SLC35D1: variants seen among roughly 807,000 people sequenced by gnomAD.
SLC35D1 encodes nucleotide sugar transporter SLC35D1.
A neutral mutation model predicts 46.7 loss-of-function variants in SLC35D1; 31 were observed. That is an observed-to-expected ratio of 0.66 (90% CI 0.50 to 0.90). The LOEUF (loss-of-function observed/expected upper bound fraction) is 0.90. Ranked by LOEUF, SLC35D1 falls within the 40% of genes least tolerant of loss-of-function variation. SLC35D1 has a pLI of 0.00. For missense variants in SLC35D1, 397 were observed against 426.2 expected (o/e 0.93, Z 0.60); for synonymous variants, 195 against 164.6 (o/e 1.18, Z -1.41).
the SLC35D1 span, chr1:66,982,016 A>G: frequency 8.0e-7 from 1 of 1,248,836 alleles, no homozygotes; most frequent in Non-Finnish European, 1.1e-6. Flanking sequence ...AAACTTCCAG[A>G]GCAGAAAGTA....
At position 67,050,516 on chromosome 1, in the gene SLC35D1, A is replaced by G. The variant is rs191643818; in HGVS notation, c.393-12T>C. The G allele has an allele frequency of 1.9e-6, 3 of 1,606,224 alleles. No homozygotes were observed. Among genetic ancestry groups the G allele is most frequent in the Admixed American group, 1.7e-5 (1 of 59,890 alleles). On this transcript the variant is annotated splice_polypyrimidine_tract_variant and intron_variant, in intron 4 of 11. Coordinates refer to ENST00000235345, the MANE Select transcript of SLC35D1 (RefSeq NM_015139.3). ...TAAACATTGGCAAGCTGGAAAAAAA[A>G]AAGATAATTAGGTAAAATAGAATTT...
At chr1:67,042,175 A>C in intron 8 of SLC35D1, 61 bp downstream of exon 8, 2 of 1,426,202 alleles carry the variant, frequency 1.4e-6, no homozygotes, top group South Asian at 2.3e-5. Flanking sequence ...CTATCTTTTC[A>C]TCATAAATAA....
chr1:66,977,296 G>C, the SLC35D1 span, among the ~76,000 whole-genome samples: 2 of 151,942 alleles, frequency 1.3e-5, no homozygotes, highest in African/African-American at 4.8e-5. Flanking sequence ...TTTTATTAGA[G>C]ACGGGGTTTC....
chr1:66,996,614 C>T (rs1020336206), downstream of SLC35D1, among the ~76,000 whole-genome samples: 2 of 152,106 alleles, frequency 1.3e-5, no homozygotes, highest in Non-Finnish European at 2.9e-5. Flanking sequence ...ATGGATGAAC[C>T]AATGTATACA....
chr1:66,977,982 A>G, the SLC35D1 span, among the ~76,000 whole-genome samples: 65 of 152,192 alleles, frequency 4.3e-4, no homozygotes, highest in African/African-American at 1.5e-3. Flanking sequence ...GTGGATCACA[A>G]GGTCAGGAGT....
the SLC35D1 span, among the ~76,000 whole-genome samples, chr1:66,992,703 C>T: frequency 1.7e-4 from 26 of 152,346 alleles, no homozygotes; most frequent in Admixed American, 1.4e-3. Flanking sequence ...CTATTAGCTA[C>T]GCTTTACCCA....
chr1:67,021,011 A>T (rs1667786936), intron 9 of SLC35D1, among the ~76,000 whole-genome samples: 1 of 152,216 alleles, frequency 6.6e-6, no homozygotes, highest in South Asian at 2.1e-4. Context: ...ACTGTGTGCC[A>T]GATCCAGTCA....
the SLC35D1 span, among the ~76,000 whole-genome samples, chr1:66,982,151 G>T: frequency 6.6e-6 from 1 of 152,140 alleles, no homozygotes. Context: ...ACTATTTCTT[G>T]TAAGAAATTT....
downstream of SLC35D1, among the ~76,000 whole-genome samples, chr1:66,994,486 A>T (rs982337816): frequency 3.3e-5 from 5 of 152,102 alleles, no homozygotes; most frequent in African/African-American, 1.2e-4. Context: ...TCTACTAAAA[A>T]TACAAAAACT....
chr1:67,030,956 C>T (rs1392154279), intron 8 of SLC35D1, among the ~76,000 whole-genome samples: 6 of 152,156 alleles, frequency 3.9e-5, no homozygotes, highest in East Asian at 1.9e-4. Flanking sequence ...ACCCAGAAGA[C>T]GGGTAACTTA....
chr1:66,994,288 G>A, the SLC35D1 span, among the ~76,000 whole-genome samples: 1 of 152,168 alleles, frequency 6.6e-6, no homozygotes, highest in Non-Finnish European at 1.5e-5. Flanking sequence ...CCTGAGAACT[G>A]CCAGTTTGAT....
the SLC35D1 span, among the ~76,000 whole-genome samples, chr1:66,988,910 G>A: frequency 1.3e-5 from 2 of 152,202 alleles, no homozygotes; most frequent in African/African-American, 4.8e-5. Context: ...GTTAATGGTA[G>A]AAAAGTAAAG....
the SLC35D1 span, among the ~76,000 whole-genome samples, chr1:66,989,241 AAG>A: frequency 1.3e-5 from 2 of 152,114 alleles, no homozygotes; most frequent in African/African-American, 2.4e-5. Flanking sequence ...TGAAGTTTGG[AAG>A]AGAGGACGCC....
the SLC35D1 span, among the ~76,000 whole-genome samples, chr1:66,975,347 CA>C: frequency 6.6e-6 from 1 of 151,664 alleles, no homozygotes; most frequent in Non-Finnish European, 1.5e-5. Flanking sequence ...GGCAACATGG[CA>C]AAACCCCATC....
intron 8 of SLC35D1, among the ~76,000 whole-genome samples, chr1:67,035,168 T>C (rs1004528366): frequency 5.3e-5 from 8 of 152,122 alleles, no homozygotes; most frequent in South Asian, 2.1e-4. Context: ...GTGTGTTTAA[T>C]GCATCTTTGT....
the SLC35D1 span, among the ~76,000 whole-genome samples, chr1:66,992,902 A>G: frequency 3.9e-5 from 6 of 152,248 alleles, no homozygotes; most frequent in Non-Finnish European, 7.3e-5. Context: ...AGTGATTGCT[A>G]TTAAAAGCAC....
chr1:67,044,839 C>T (rs1032537056), intron 7 of SLC35D1, among the ~76,000 whole-genome samples: 1 of 152,162 alleles, frequency 6.6e-6, no homozygotes, highest in African/African-American at 2.4e-5. Flanking sequence ...TGATTGGCTG[C>T]CCTGCCTATG....
chr1:67,013,166 A>ATGTATATATATATATATATATATGTGTG (rs1667609868), intron 10 of SLC35D1, among the ~76,000 whole-genome samples: 1 of 143,362 alleles, frequency 7.0e-6, no homozygotes, highest in African/African-American at 2.7e-5. Flanking sequence ...AGATATATAT[A>ATGTATATATATATATATATATATGTGTG]TATCCTGTTC....
At chr1:66,979,097 GT>G in the SLC35D1 span, among the ~76,000 whole-genome samples, 45 of 147,958 alleles carry the variant, frequency 3.0e-4, no homozygotes, top group African/African-American at 1.0e-3. Flanking sequence ...CCACTGGGTT[GT>G]TTTTTTTTTA....
Sources: gnomAD v4.1 joint callset for allele counts (sites outside exome capture counted in the v4.1 genomes callset) on GRCh38, gnomAD v4.1.1 for gene constraint, MANE v1.5 for transcripts, NCBI Gene and HGNC (gene_info 2026-07-23, HGNC 2026-07-21) for gene names.